DLG5: variants seen among roughly 807,000 people sequenced by gnomAD.
DLG5 encodes discs large MAGUK scaffold protein 5.
Under a neutral mutation model 189.8 loss-of-function variants are expected in DLG5, and 48 were observed. That is an observed-to-expected ratio of 0.25 (90% CI 0.20 to 0.32). DLG5 has a LOEUF of 0.32. Among genes scored for constraint, DLG5 ranks in the 10% least tolerant of loss-of-function variants. The pLI, the probability that DLG5 is intolerant of heterozygous loss-of-function variation, is 1.00. For synonymous variants in DLG5, 1,016 were observed against 1,054.1 expected, an observed-to-expected ratio of 0.96 and a Z score of 0.70; for missense variants, 2,160 against 2,544.7, an observed-to-expected ratio of 0.85 and a Z score of 3.25.
chr10:77,868,081 A>G, intron 2 of DLG5: 1 of 456,580 alleles, frequency 2.2e-6, no homozygotes, highest in South Asian at 1.5e-5. Context: ...TAGCGCCTTC[A>G]GCCTGCGTGG....
At chr10:77,907,320 T>C (rs117081398) in intron 1 of DLG5, among the ~76,000 whole-genome samples, 3,103 of 152,310 alleles carry the variant, frequency 0.02, 46 homozygotes, top group Middle Eastern at 0.037. Flanking sequence ...GACTCATGCC[T>C]GTTATCTCAG....
At chr10:77,834,996 T>TCACCAC (rs55678010) in intron 8 of DLG5, among the ~76,000 whole-genome samples, 39,247 of 151,524 alleles carry the variant, frequency 0.26, 5,840 homozygotes, top group Non-Finnish European at 0.34. Context: ...ACCCCAAACA[T>TCACCAC]CACCACCACC....
At position 77,821,853 on chromosome 10, in the gene DLG5, C is replaced by A; in HGVS notation, c.2631G>T (p.Leu877Phe). The A allele has an allele frequency of 6.2e-7, 1 of 1,613,978 alleles. No homozygotes were observed. Among genetic ancestry groups the A allele is most frequent in the Non-Finnish European group, 8.5e-7 (1 of 1,179,912 alleles). ...TGGGACAGGCCTGGGGGCAGACCTG[C>A]AAGGGTCCCCCAGGGAATGGCTTAT... ...FLHKPFPGGP[L>F]QVCPQACPSA... Residue 877 changes from leucine (L) to phenylalanine (F), a missense_variant, in exon 15 of 32, where the codon TTG (leucine) becomes TTT (phenylalanine). Physicochemically the swap from Leu to Phe is conservative, Grantham distance 22. This residue lies in a region of DLG5 where 754 missense variants were observed against 746.5 expected (regional missense o/e 1.01). Transcript: ENST00000372391.
intron 7 of DLG5, among the ~76,000 whole-genome samples, chr10:77,836,564 A>T (rs544131699): frequency 1.3e-5 from 2 of 152,120 alleles, no homozygotes; most frequent in Non-Finnish European, 2.9e-5. Flanking sequence ...CCCTCTAAAG[A>T]TCATTCTCCA....
chr10:77,833,452 A>G (rs981076958), intron 9 of DLG5, among the ~76,000 whole-genome samples: 1 of 152,202 alleles, frequency 6.6e-6, no homozygotes, highest in African/African-American at 2.4e-5. Context: ...TGAGCCCATG[A>G]GGAAAGGGAC....
chr10:77,923,508 A>G (rs1846596046), intron 1 of DLG5, among the ~76,000 whole-genome samples: 1 of 152,214 alleles, frequency 6.6e-6, no homozygotes, highest in Non-Finnish European at 1.5e-5. Context: ...CTGTAATCCC[A>G]ACACTTTTGG....
At chr10:77,824,857 A>G in intron 13 of DLG5, 1 of 183,792 alleles carries the variant, frequency 5.4e-6, no homozygotes. Flanking sequence ...GTGGCTCGGG[A>G]GAGCGGGGGA....
chr10:77,819,915 T>C lies in DLG5; in HGVS notation c.3506A>G (p.Tyr1169Cys). The C allele has an allele frequency of 6.3e-7, 1 of 1,593,730 alleles. No individual in the cohort carries two copies. The highest frequency in any genetic ancestry group is 1.1e-5 in the South Asian group (1 of 87,372). ...HSSRHSNPPL[Y>C]PSRPSVGTVP... Reference sequence around the variant, plus strand: ...CTCACCCACAGACGGCCTGCTAGGGTATAGCGGGGGGTTGCTGTGCCGGCT... The same window carrying C: ...CTCACCCACAGACGGCCTGCTAGGGCATAGCGGGGGGTTGCTGTGCCGGCT... The change falls in exon 16 of 32, where the codon TAC becomes TGC. Residue 1169 changes from tyrosine to cysteine, a missense_variant. Tyr to Cys is a radical substitution (Grantham distance 194). Transcript: ENST00000372391.
rs1399285774 is a variant in DLG5 at position 77,796,226 on chromosome 10, C to A, written c.5309-38G>T. On this transcript the variant is annotated intron_variant, in intron 28 of 31. Coordinates refer to ENST00000372391, the MANE Select transcript of DLG5 (RefSeq NM_004747.4). This position sits in a 1 kb window ranked among gnomAD's most constrained non-coding sequence, Gnocchi z 5.2. The stretch of plus-strand genomic sequence containing the variant: ...GACACAGGAATCAGGGAGCCCCAGG[C>A]CCTGCTGAGCCCCAGCAGAGGGAGC... 6.2e-7 allele frequency: 1 copy of A among 1,613,252 alleles called. No individual in the cohort carries two copies. Among genetic ancestry groups the A allele is most frequent in the Non-Finnish European group, 8.5e-7 (1 of 1,179,892 alleles).
At chr10:77,824,662 G>A in intron 13 of DLG5, 186 bp from the exon 14 acceptor site, 1 of 567,014 alleles carries the variant, frequency 1.8e-6, no homozygotes, top group Non-Finnish European at 3.1e-6. Flanking sequence ...GGGATTCTGA[G>A]GTAGAGGAAC....
intron 26 of DLG5, 138 bp from the exon 27 acceptor site, chr10:77,805,999 A>C (rs904750200): frequency 3.5e-5 from 28 of 794,338 alleles, no homozygotes; most frequent in Non-Finnish European, 5.3e-5. Flanking sequence ...TCAAGGCTAC[A>C]TCTCCTCCCA....
chr10:77,888,707 G>A (rs61069150), intron 1 of DLG5, among the ~76,000 whole-genome samples: 6,227 of 152,158 alleles, frequency 0.041, 270 homozygotes, highest in East Asian at 0.26. Flanking sequence ...TGGAATCCTC[G>A]GGAAAGGACA....
intron 1 of DLG5, among the ~76,000 whole-genome samples, chr10:77,876,750 A>AGGG (rs1359682697): frequency 1.8e-3 from 1 of 570 alleles, no homozygotes; most frequent in Admixed American, 0.014. Context: ...GAAGGAAGGA[A>AGGG]AAAAAAAAAG....
chr10:77,891,280 T>C (rs1000484024), intron 1 of DLG5, among the ~76,000 whole-genome samples: 1 of 152,222 alleles, frequency 6.6e-6, no homozygotes, highest in African/African-American at 2.4e-5. Flanking sequence ...CGCACTCTGC[T>C]GTTGCCATCG....
chr10:77,824,264 T>C, intron 14 of DLG5, 120 bp downstream of exon 14: 1 of 724,688 alleles, frequency 1.4e-6, no homozygotes, highest in East Asian at 2.7e-5. Flanking sequence ...CCCTCTGCAC[T>C]CAGTAAATGC....
At chr10:77,909,628 G>A (rs1316718362) in intron 1 of DLG5, among the ~76,000 whole-genome samples, 1 of 152,084 alleles carries the variant, frequency 6.6e-6, no homozygotes, top group Non-Finnish European at 1.5e-5. Context: ...AAAATCGGGG[G>A]AAATGCAACA....
At chr10:77,850,084 G>T (rs1843891400) in intron 5 of DLG5, among the ~76,000 whole-genome samples, 2 of 152,040 alleles carry the variant, frequency 1.3e-5, no homozygotes, top group Non-Finnish European at 1.5e-5. Context: ...CACAAAGTAT[G>T]CAATTCAGTG....
At chr10:77,900,595 T>A (rs2154577856) in intron 1 of DLG5, among the ~76,000 whole-genome samples, 1 of 151,830 alleles carries the variant, frequency 6.6e-6, no homozygotes, top group Non-Finnish European at 1.5e-5. Flanking sequence ...AGGTCAGGAG[T>A]TTGAGACCAG....
chr10:77,855,259 C>T (rs1564551742), intron 3 of DLG5, among the ~76,000 whole-genome samples: 1 of 152,190 alleles, frequency 6.6e-6, no homozygotes, highest in Admixed American at 6.5e-5. Context: ...AGCACAGTAT[C>T]ACCTGGGAAC....
Sources: gnomAD v4.1 joint callset for allele counts (sites outside exome capture counted in the v4.1 genomes callset) on GRCh38, gnomAD v4.1.1 for gene constraint, gnomAD v4.1.1 regional missense constraint, Gnocchi (gnomAD v3.1) non-coding constraint, MANE v1.5 for transcripts, NCBI Gene and HGNC (gene_info 2026-07-23, HGNC 2026-07-21) for gene names.